The following DCAF8L2 variants were observed in gnomAD, a reference collection of about 807,000 sequenced individuals.
DCAF8L2 encodes the protein DDB1 and CUL4 associated factor 8 like 2, also known as DDB1- and CUL4-associated factor 8-like protein 2.
For synonymous variants in DCAF8L2, 200 were observed against 190.9 expected (o/e 1.05, Z -0.39); for missense variants, 430 against 490.7 (o/e 0.88, Z 1.17).
the DCAF8L2 span, among the ~76,000 whole-genome samples, chrX:27,479,367 A>C: frequency 1.1e-4 from 12 of 111,357 alleles, no homozygotes; most frequent in Non-Finnish European, 1.9e-4. Flanking sequence ...GAGCCAGCAG[A>C]TAGATATAAG....
intron 2 of DCAF8L2, among the ~76,000 whole-genome samples, chrX:27,640,305 CTG>C (rs758211742): frequency 8.9e-6 from 1 of 112,555 alleles, no homozygotes; most frequent in African/African-American, 3.2e-5. Context: ...TTTTCTGTCA[CTG>C]TACTTTTACC....
At chrX:27,489,120 CAG>C in the DCAF8L2 span, among the ~76,000 whole-genome samples, 1 of 111,471 alleles carries the variant, frequency 9.0e-6, no homozygotes, top group Admixed American at 9.5e-5. Flanking sequence ...TGTTTTGAGA[CAG>C]AGTCTCGTTC....
the DCAF8L2 span, among the ~76,000 whole-genome samples, chrX:27,477,310 C>T: frequency 2.8e-4 from 31 of 111,678 alleles, no homozygotes; most frequent in East Asian, 7.4e-3. Context: ...TTTTTTGAGA[C>T]GGAGTCTCGC....
the DCAF8L2 span, among the ~76,000 whole-genome samples, chrX:27,492,755 A>G: frequency 0.023 from 2,546 of 112,126 alleles, 84 homozygotes; most frequent in African/African-American, 0.078. Flanking sequence ...TACTGGGATT[A>G]TAGGCGTGAG....
At chrX:27,623,373 T>G (rs1602668599) in intron 1 of DCAF8L2, among the ~76,000 whole-genome samples, 1 of 111,690 alleles carries the variant, frequency 9.0e-6, no homozygotes, top group East Asian at 2.8e-4. Flanking sequence ...CTGTATTAAT[T>G]TACTGTAAAC....
the DCAF8L2 span, among the ~76,000 whole-genome samples, chrX:27,508,279 A>T: frequency 4.5e-5 from 5 of 111,321 alleles, no homozygotes; most frequent in Admixed American, 4.8e-4. Flanking sequence ...GGGGCTTTCA[A>T]ATTGAAACAA....
the DCAF8L2 span, among the ~76,000 whole-genome samples, chrX:27,544,405 G>A: frequency 8.9e-6 from 1 of 111,747 alleles, no homozygotes; most frequent in African/African-American, 3.2e-5. Flanking sequence ...GAGAGCAAAA[G>A]GAAAGTTTGC....
intron 1 of DCAF8L2, among the ~76,000 whole-genome samples, chrX:27,597,668 G>A (rs1173391878): frequency 1.8e-5 from 2 of 112,038 alleles, no homozygotes; most frequent in Non-Finnish European, 3.8e-5. Flanking sequence ...TTCCATTTTA[G>A]ACTGATGAAC....
At chrX:27,742,456 C>G (rs762401866) in intron 4 of DCAF8L2, among the ~76,000 whole-genome samples, 1 of 109,952 alleles carries the variant, frequency 9.1e-6, no homozygotes, top group East Asian at 2.9e-4. Context: ...CTAATCCCAG[C>G]TACTCGGGAG....
At chrX:27,702,322 A>C (rs1473850311) in intron 3 of DCAF8L2, among the ~76,000 whole-genome samples, 1 of 110,315 alleles carries the variant, frequency 9.1e-6, no homozygotes, top group Non-Finnish European at 1.9e-5. Flanking sequence ...TTGAAAAAAA[A>C]AATAGAAGAT....
intron 4 of DCAF8L2, among the ~76,000 whole-genome samples, chrX:27,744,093 C>A (rs1922035431): frequency 9.0e-6 from 1 of 111,084 alleles, no homozygotes; most frequent in African/African-American, 3.3e-5. Flanking sequence ...GATAAAAGAC[C>A]AATGCTTCCT....
the DCAF8L2 span, among the ~76,000 whole-genome samples, chrX:27,534,877 T>C: frequency 2.7e-5 from 3 of 111,839 alleles, no homozygotes; most frequent in Non-Finnish European, 5.6e-5. Flanking sequence ...GATGCTTTCT[T>C]CTCAATTTTC....
At chrX:27,738,276 T>C (rs765614755) in intron 4 of DCAF8L2, among the ~76,000 whole-genome samples, 10 of 111,869 alleles carry the variant, frequency 8.9e-5, no homozygotes, top group African/African-American at 3.2e-4. Flanking sequence ...CAAATTGTTT[T>C]GCCTTAATAG....
At chrX:27,729,240 G>T (rs1424032665) in intron 4 of DCAF8L2, among the ~76,000 whole-genome samples, 1 of 111,530 alleles carries the variant, frequency 9.0e-6, no homozygotes, top group African/African-American at 3.3e-5. Flanking sequence ...GGGGGAAGTA[G>T]CTCTAGTGAG....
chrX:27,708,530 T>C (rs756548044), intron 3 of DCAF8L2, among the ~76,000 whole-genome samples: 2 of 112,230 alleles, frequency 1.8e-5, no homozygotes, highest in African/African-American at 6.5e-5. Flanking sequence ...TAAGATGTAT[T>C]TTCAATCTTG....
At chrX:27,526,207 T>C in the DCAF8L2 span, among the ~76,000 whole-genome samples, 1 of 112,116 alleles carries the variant, frequency 8.9e-6, no homozygotes, top group Non-Finnish European at 1.9e-5. Flanking sequence ...CCATATTTCT[T>C]GGAGGCTTTG....
chrX:27,689,291 TG>T (rs1210676109), intron 3 of DCAF8L2, among the ~76,000 whole-genome samples: 1 of 112,684 alleles, frequency 8.9e-6, no homozygotes, highest in Admixed American at 9.4e-5. Flanking sequence ...TCACTCAGGC[TG>T]GAGTGCAGTG....
In DCAF8L2 at chrX:27,748,045, G is replaced by T. The variant is rs1388510122; in HGVS notation, c.1150G>T (p.Val384Leu). 8.2e-7 allele frequency: 1 copy of T among 1,212,152 alleles called. No individual in the cohort carries two copies. Among genetic ancestry groups the T allele is most frequent in the South Asian group, 1.8e-5 (1 of 57,020 alleles). The stretch of plus-strand genomic sequence containing the variant: ...TCCCGCCAATACCTACCAATTTGCA[G>T]TGGGTGGACAAGATCAGTTTGTAAG... ...VNPANTYQFA[V>L]GGQDQFVRIY... Residue 384 changes from valine (V) to leucine (L), a missense_variant, in exon 5 of 5, where the codon GTG (valine) becomes TTG (leucine). Coordinates refer to ENST00000451261, the MANE Select transcript of DCAF8L2 (RefSeq NM_001353450.2).
At chrX:27,651,782 T>C (rs1379633997) in intron 2 of DCAF8L2, among the ~76,000 whole-genome samples, 2 of 110,883 alleles carry the variant, frequency 1.8e-5, no homozygotes, top group African/African-American at 6.5e-5. Flanking sequence ...AATGCTGGGA[T>C]TACAGGCGTG....
Sources: allele counts gnomAD v4.1 joint callset (sites outside exome capture counted in the v4.1 genomes callset), GRCh38; gene constraint gnomAD v4.1.1; transcripts MANE v1.5; gene names NCBI Gene and HGNC (gene_info 2026-07-23, HGNC 2026-07-21).